The following HERC4 variants were observed in gnomAD, a reference collection of about 807,000 sequenced individuals.
The protein encoded by HERC4 is probable E3 ubiquitin-protein ligase HERC4.
Under a neutral mutation model 124.3 loss-of-function variants are expected in HERC4, and 28 were observed. That is an observed-to-expected ratio of 0.23 (90% confidence interval 0.17 to 0.31). The LOEUF is 0.31. Among genes scored for constraint, HERC4 ranks in the 10% least tolerant of loss-of-function variants. The probability of loss-of-function intolerance (pLI) is 1.00; values close to 1 mark genes in which losing one functional copy is unlikely to be tolerated. For missense variants in HERC4, 713 were observed against 1,229.3 expected, an observed-to-expected ratio of 0.58 and a Z score of 6.28; for synonymous variants, 407 against 421.5, an observed-to-expected ratio of 0.97 and a Z score of 0.42.
intron 9 of HERC4, chr10:67,994,363 A>G (rs1345142324): frequency 2.0e-5 from 3 of 152,230 alleles, no homozygotes; most frequent in Non-Finnish European, 2.9e-5. Flanking sequence ...TCTACAGTAC[A>G]TGAATGGGTT....
At chr10:67,960,926 A>G (rs1257283249) in intron 16 of HERC4, 2 of 321,430 alleles carry the variant, frequency 6.2e-6, no homozygotes, top group Non-Finnish European at 1.2e-5. Flanking sequence ...TTTATTGACC[A>G]CTTCTTTCAA....
intron 3 of HERC4, among the ~76,000 whole-genome samples, chr10:68,065,949 AAAATT>A (rs1197460199): frequency 6.6e-6 from 1 of 152,188 alleles, no homozygotes; most frequent in African/African-American, 2.4e-5. Flanking sequence ...ATTACAATTT[AAAATT>A]AATTATTGCC....
intron 9 of HERC4, among the ~76,000 whole-genome samples, chr10:68,000,440 G>A (rs2037157646): frequency 6.6e-6 from 1 of 152,068 alleles, no homozygotes; most frequent in Non-Finnish European, 1.5e-5. Flanking sequence ...TTAACTGGGT[G>A]TGGTGGCATG....
intron 8 of HERC4, among the ~76,000 whole-genome samples, chr10:68,022,297 C>A (rs61219168): frequency 0.079 from 11,965 of 151,930 alleles, 1,241 homozygotes; most frequent in African/African-American, 0.24. Flanking sequence ...GTCGGGAGTT[C>A]GAGACCAGCC....
In HERC4 at chr10:67,988,740, C is replaced by T. The variant is rs754177379; in HGVS notation, c.1729G>A (p.Gly577Ser). 9.3e-6 allele frequency: 15 copies of T among 1,604,964 alleles called. No individual in the cohort carries two copies. The East Asian group carries it at 2.0e-4, about 22-fold the overall frequency. ...VVHLLKLYKI[G>S]IPPSERRIFN... ...ATTCTTCTTTCAGAAGGGGGAATAC[C>T]GATCTTGTAGAGTTTCAAAAGATGT... The change falls in exon 15 of 25, where the codon GGT (glycine) becomes AGT (serine). Residue 577 changes from glycine (G) to serine (S), a missense_variant. Transcript: ENST00000373700.
chr10:68,012,888 A>G lies in HERC4; in HGVS notation c.1069+1138T>C, dbSNP rs537074848. Among the ~76,000 whole-genome samples the G allele has an allele frequency of 1.5e-4, 23 of 152,320 alleles. 1 individual carries two copies. The East Asian group carries it at 4.4e-3, about 29-fold the overall frequency. ...ATTTTTCATTATTATTTTATCTTTT[A>G]TGGTGATCTCATATCACTAATTTAG... is the stretch of plus-strand genomic sequence containing the variant. On this transcript the variant is annotated intron_variant, in intron 9 of 24. Coordinates refer to ENST00000373700, the MANE Select transcript of HERC4 (RefSeq NM_015601.4).
At chr10:68,009,583 T>C (rs2133070056) in intron 9 of HERC4, among the ~76,000 whole-genome samples, 1 of 152,336 alleles carries the variant, frequency 6.6e-6, no homozygotes, top group Middle Eastern at 3.4e-3. Context: ...TCAACATTGA[T>C]GGCTACTGAC....
intron 9 of HERC4, among the ~76,000 whole-genome samples, chr10:68,013,623 T>C (rs1476547769): frequency 1.3e-5 from 2 of 152,220 alleles, no homozygotes; most frequent in Admixed American, 6.5e-5. Context: ...CATAGAGTTT[T>C]AGTATCCTCA....
chr10:67,944,396 C>T (rs1205009735), intron 19 of HERC4, among the ~76,000 whole-genome samples: 1 of 152,246 alleles, frequency 6.6e-6, no homozygotes, highest in African/African-American at 2.4e-5. Context: ...GGGGTGCCCC[C>T]TAATGCAGAT....
intron 3 of HERC4, among the ~76,000 whole-genome samples, chr10:68,046,937 T>C (rs2040041370): frequency 6.6e-6 from 1 of 152,000 alleles, no homozygotes; most frequent in African/African-American, 2.4e-5. Context: ...CTTCATGGGC[T>C]ATAGAGGGAG....
At chr10:68,064,117 C>T (rs1554831682) in intron 3 of HERC4, among the ~76,000 whole-genome samples, 1 of 151,712 alleles carries the variant, frequency 6.6e-6, no homozygotes, top group Non-Finnish European at 1.5e-5. Flanking sequence ...GTGGCACACG[C>T]CTGTAATCCT....
chr10:68,054,347 A>G lies in HERC4; in HGVS notation c.227-9784T>C, dbSNP rs192045914. On this transcript the variant is annotated intron_variant, in intron 3 of 24. Transcript: ENST00000373700. Reference sequence around the variant, plus strand: ...ACTGAATGTGCAGTTGAAGTATTTAATGATTTTTTTTTTTTTTTTTCAGAC... The same window carrying G: ...ACTGAATGTGCAGTTGAAGTATTTAGTGATTTTTTTTTTTTTTTTTCAGAC... Among the ~76,000 whole-genome samples the G allele has an allele frequency of 1.3e-4, 19 of 150,876 alleles. No homozygotes were observed. In the East Asian group the frequency reaches 2.9e-3, roughly 23 times the overall value.
intron 15 of HERC4, chr10:67,988,145 C>G (rs934049751): frequency 6.6e-6 from 1 of 152,064 alleles, no homozygotes; most frequent in Non-Finnish European, 1.5e-5. Flanking sequence ...ATTTGTTACA[C>G]TGGGAAGAAG....
At chr10:67,958,459 T>C (rs1191915418) in intron 16 of HERC4, among the ~76,000 whole-genome samples, 1 of 152,248 alleles carries the variant, frequency 6.6e-6, no homozygotes, top group Non-Finnish European at 1.5e-5. Flanking sequence ...AGCTATAATT[T>C]AAAGCTAACT....
At chr10:67,985,795 AT>A (rs1453084058) in intron 15 of HERC4, among the ~76,000 whole-genome samples, 2 of 152,222 alleles carry the variant, frequency 1.3e-5, no homozygotes, top group Non-Finnish European at 2.9e-5. Context: ...ACTGAAAACA[AT>A]TTTTAATTCA....
chr10:67,951,005 T>C (rs2033751367), intron 19 of HERC4, among the ~76,000 whole-genome samples: 1 of 152,010 alleles, frequency 6.6e-6, no homozygotes, highest in African/African-American at 2.4e-5. Flanking sequence ...TGTAAGGAAA[T>C]GCTTGAAGAA....
intron 23 of HERC4, among the ~76,000 whole-genome samples, chr10:67,931,385 TAA>T (rs934217156): frequency 6.6e-6 from 1 of 152,180 alleles, no homozygotes; most frequent in African/African-American, 2.4e-5. Flanking sequence ...CAAAGATTTT[TAA>T]AAATCATAAC....
chr10:67,974,093 CACACA>C (rs2035427218), intron 15 of HERC4, among the ~76,000 whole-genome samples: 1 of 140,846 alleles, frequency 7.1e-6, no homozygotes, highest in Admixed American at 7.4e-5. Context: ...CACACACACA[CACACA>C]CACACACACA....
At chr10:68,051,783 G>A (rs1383922117) in intron 3 of HERC4, among the ~76,000 whole-genome samples, 2 of 150,870 alleles carry the variant, frequency 1.3e-5, no homozygotes, top group African/African-American at 4.9e-5. Context: ...CCGCCTCCGA[G>A]GCTCAAGTGA....
Sources: allele counts gnomAD v4.1 joint callset (sites outside exome capture counted in the v4.1 genomes callset), GRCh38; gene constraint gnomAD v4.1.1; transcripts MANE v1.5; gene names NCBI Gene and HGNC (gene_info 2026-07-23, HGNC 2026-07-21).